Variants in HCN1 observed in about 807,000 individuals in gnomAD.
HCN1 encodes potassium/sodium hyperpolarization-activated cyclic nucleotide-gated channel 1.
In HCN1, 13 loss-of-function variants were observed where a neutral mutation model predicts 78.9. The ratio of observed to expected loss-of-function variants is 0.16; its 90% CI spans 0.11 to 0.26. The LOEUF is 0.26. HCN1 is among the 10% of genes least tolerant of loss of function. The pLI, the probability that HCN1 is intolerant of heterozygous loss-of-function variation, is 1.00. For missense variants in HCN1, 810 were observed against 1,154.3 expected, an observed-to-expected ratio of 0.70 and a Z score of 4.32; for synonymous variants, 552 against 455.5, an observed-to-expected ratio of 1.21 and a Z score of -2.70.
At chr5:45,483,630 T>A (rs1227650563) in intron 2 of HCN1, among the ~76,000 whole-genome samples, 1 of 152,198 alleles carries the variant, frequency 6.6e-6, no homozygotes, top group African/African-American at 2.4e-5. Context: ...TTTAATTAGG[T>A]CCCACTTGTT....
At chr5:45,538,353 CATA>C (rs1381218478) in intron 2 of HCN1, among the ~76,000 whole-genome samples, 3 of 152,100 alleles carry the variant, frequency 2.0e-5, no homozygotes, top group Non-Finnish European at 4.4e-5. Flanking sequence ...ATCCAATCAT[CATA>C]ATAATAAGAA....
chr5:45,388,847 T>C (rs1023925396), intron 4 of HCN1, among the ~76,000 whole-genome samples: 6 of 152,138 alleles, frequency 3.9e-5, no homozygotes, highest in African/African-American at 1.4e-4. Context: ...TATTTTTCAA[T>C]ATATAATGGC....
At chr5:45,286,626 A>T (rs775270374) in intron 6 of HCN1, among the ~76,000 whole-genome samples, 1 of 152,032 alleles carries the variant, frequency 6.6e-6, no homozygotes, top group Non-Finnish European at 1.5e-5. Context: ...CTGACTTGTT[A>T]GTATTGAAAA....
At chr5:45,289,126 A>C (rs1745323787) in intron 6 of HCN1, among the ~76,000 whole-genome samples, 1 of 152,098 alleles carries the variant, frequency 6.6e-6, no homozygotes, top group African/African-American at 2.4e-5. Context: ...AATGATAAAA[A>C]GCCCATTATC....
At chr5:45,575,575 T>C (rs1435584922) in intron 2 of HCN1, 1 of 151,506 alleles carries the variant, frequency 6.6e-6, no homozygotes, top group Non-Finnish European at 1.5e-5. Flanking sequence ...TAAAGTATAA[T>C]AAAAAAAAGG....
intron 2 of HCN1, among the ~76,000 whole-genome samples, chr5:45,507,893 TA>T (rs1224092713): frequency 1.3e-5 from 2 of 152,106 alleles, no homozygotes; most frequent in Non-Finnish European, 2.9e-5. Flanking sequence ...AATTCCATGA[TA>T]AAAATCATTA....
chr5:45,536,433 C>A (rs1742970979), intron 2 of HCN1, among the ~76,000 whole-genome samples: 1 of 152,144 alleles, frequency 6.6e-6, no homozygotes, highest in South Asian at 2.1e-4. Context: ...GACTTTATTT[C>A]CTGTCACCGC....
intron 2 of HCN1, among the ~76,000 whole-genome samples, chr5:45,593,592 C>A (rs1353663005): frequency 6.6e-5 from 10 of 151,844 alleles, no homozygotes; most frequent in Non-Finnish European, 1.5e-5. Context: ...AGCAGAGAAG[C>A]AAAAACAATG....
chr5:45,665,321 A>C, intron 1 of HCN1, among the ~76,000 whole-genome samples: 1 of 128,736 alleles, frequency 7.8e-6, no homozygotes, highest in Non-Finnish European at 1.6e-5. Flanking sequence ...GGGGGGAGGG[A>C]TAGCATTAGG....
At chr5:45,652,117 T>C (rs764383931) in intron 1 of HCN1, among the ~76,000 whole-genome samples, 1 of 151,938 alleles carries the variant, frequency 6.6e-6, no homozygotes, top group Non-Finnish European at 1.5e-5. Flanking sequence ...GAAATAGAAA[T>C]TTAAAACCTA....
At chr5:45,472,394 T>G (rs964545660) in intron 2 of HCN1, among the ~76,000 whole-genome samples, 4 of 151,848 alleles carry the variant, frequency 2.6e-5, no homozygotes, top group African/African-American at 9.7e-5. Context: ...TATGTGTCTG[T>G]GTTCTTACTA....
intron 4 of HCN1, among the ~76,000 whole-genome samples, chr5:45,354,725 C>T (rs1305061287): frequency 6.6e-6 from 1 of 151,996 alleles, no homozygotes; most frequent in Non-Finnish European, 1.5e-5. Context: ...ACCAGACTGT[C>T]CATCAAACTA....
At position 45,645,324 on chromosome 5, in the gene HCN1, A is replaced by G; in HGVS notation, c.710T>C (p.Leu237Pro). 1 of 1,613,684 alleles carries G rather than the reference A, an allele frequency of 6.2e-7. No homozygotes were observed. Among genetic ancestry groups the G allele is most frequent in the Non-Finnish European group, 8.5e-7 (1 of 1,179,846 alleles). ...ISSIPVDYIF[L>P]IVEKGMDSEV... ...AGAATCCATTCCTTTTTCTACAATA[A>G]GAAAGATATAATCCACTGGGATGGA... Residue 237 changes from leucine (L) to proline (P), a missense_variant, in exon 2 of 8, where the codon CTT (leucine) becomes CCT (proline). Leu to Pro is a moderately conservative substitution (Grantham distance 98). Transcript: ENST00000303230.
intron 2 of HCN1, among the ~76,000 whole-genome samples, chr5:45,601,268 T>C (rs1744616321): frequency 6.6e-6 from 1 of 152,100 alleles, no homozygotes; most frequent in Admixed American, 6.6e-5. Flanking sequence ...TAATGAAGTG[T>C]TTTGTCACAC....
At chr5:45,691,773 A>G (rs1159285478) in intron 1 of HCN1, among the ~76,000 whole-genome samples, 1 of 152,184 alleles carries the variant, frequency 6.6e-6, no homozygotes, top group Non-Finnish European at 1.5e-5. Flanking sequence ...TATGAACTGT[A>G]TAATATGGGT....
chr5:45,262,057 G>C lies in HCN1; in HGVS notation c.2537C>G (p.Ser846Trp), dbSNP rs1477444033. The change falls in exon 8 of 8, where the codon TCG (serine) becomes TGG (tryptophan). Residue 846 changes from serine (S) to tryptophan (W), a missense_variant. Physicochemically the swap from Ser to Trp is radical, Grantham distance 177 (BLOSUM62 -3). Transcript: ENST00000303230. Reference protein sequence around the residue: ...PQRVTLFRQMSSGAIPPNRGV... With the variant: ...PQRVTLFRQMWSGAIPPNRGV... Reference sequence around the variant, plus strand: ...TCGGTTCGGGGGGATGGCTCCCGACGACATCTGTCGGAAGAGGGTGACGCG... The same window carrying C: ...TCGGTTCGGGGGGATGGCTCCCGACCACATCTGTCGGAAGAGGGTGACGCG... 1 of 1,613,874 alleles carries C rather than the reference G, an allele frequency of 6.2e-7. No individual in the cohort carries two copies. The highest frequency in any genetic ancestry group is 1.3e-5 in the African/African-American group (1 of 75,040).
chr5:45,602,362 C>G (rs771278084), intron 2 of HCN1, among the ~76,000 whole-genome samples: 4 of 152,042 alleles, frequency 2.6e-5, no homozygotes, highest in Non-Finnish European at 4.4e-5. Context: ...CACAAAGAGA[C>G]GTCATGGATG....
In HCN1 at chr5:45,325,983, T is replaced by TA. The variant is rs752163009; in HGVS notation, c.1378-22145dup. 2.4e-4 allele frequency among the ~76,000 whole-genome samples: 36 copies of TA among 150,210 alleles called. No homozygotes were observed. The East Asian group carries it at 2.7e-3, about 11-fold the overall frequency. ...ATATTTTGGGAGTTGAAGTTACATG[T>TA]AAAAAAAAAGGAGGGCTGATGAATT... On this transcript the variant is annotated intron_variant, in intron 5 of 7. Coordinates refer to ENST00000303230, the MANE Select transcript of HCN1 (RefSeq NM_021072.4).
chr5:45,408,257 C>A (rs898775089), intron 3 of HCN1, among the ~76,000 whole-genome samples: 5 of 152,066 alleles, frequency 3.3e-5, no homozygotes, highest in African/African-American at 4.8e-5. Flanking sequence ...ATGTCCTAGG[C>A]CTTCACGTTG....
Sources: allele counts gnomAD v4.1 joint callset (sites outside exome capture counted in the v4.1 genomes callset), GRCh38; gene constraint gnomAD v4.1.1; transcripts MANE v1.5; gene names NCBI Gene and HGNC (gene_info 2026-07-23, HGNC 2026-07-21).